Variants in CNTN6 observed in about 807,000 individuals in gnomAD.
CNTN6 encodes the protein contactin 6, also known as contactin-6.
A neutral mutation model predicts 122.8 loss-of-function variants in CNTN6; 137 were observed. That is an observed-to-expected ratio of 1.12 (90% CI 0.97 to 1.29). The LOEUF (loss-of-function observed/expected upper bound fraction) is 1.29. Among genes scored for constraint, CNTN6 ranks in the 50% most tolerant of loss-of-function variants. The probability of loss-of-function intolerance (pLI) is 0.00; values close to 1 mark genes in which losing one functional copy is unlikely to be tolerated. For missense variants in CNTN6, 1,634 were observed against 1,223.4 expected, an observed-to-expected ratio of 1.34 and a Z score of -5.01; for synonymous variants, 570 against 426.0, an observed-to-expected ratio of 1.34 and a Z score of -4.16.
chr3:1,226,031 A>G (rs1276249727), intron 3 of CNTN6, among the ~76,000 whole-genome samples: 1 of 152,164 alleles, frequency 6.6e-6, no homozygotes, highest in Non-Finnish European at 1.5e-5. Context: ...GAAGAAGTCA[A>G]TGACATTTGA....
At chr3:1,303,124 T>C (rs1697714052) in intron 7 of CNTN6, among the ~76,000 whole-genome samples, 2 of 152,172 alleles carry the variant, frequency 1.3e-5, no homozygotes, top group African/African-American at 4.8e-5. Context: ...AGTTTTCTTC[T>C]CTGTGCTTAC....
At chr3:1,236,772 T>C (rs899514360) in intron 4 of CNTN6, among the ~76,000 whole-genome samples, 2 of 152,158 alleles carry the variant, frequency 1.3e-5, no homozygotes, top group Non-Finnish European at 2.9e-5. Flanking sequence ...GAAGGTTAAT[T>C]ATTAAGCTAA....
At chr3:1,107,779 A>G (rs1023198926) in intron 1 of CNTN6, among the ~76,000 whole-genome samples, 2 of 152,054 alleles carry the variant, frequency 1.3e-5, no homozygotes, top group Admixed American at 6.6e-5. Context: ...ACCAATATCT[A>G]TAAGGGTTGT....
At chr3:1,385,890 C>A in intron 20 of CNTN6, 93 bp downstream of exon 20, 1 of 1,212,892 alleles carries the variant, frequency 8.2e-7, no homozygotes, top group East Asian at 2.6e-5. Context: ...CACCTCATTT[C>A]TTTACTAATT....
intron 7 of CNTN6, among the ~76,000 whole-genome samples, chr3:1,298,642 G>A (rs1696688948): frequency 6.6e-6 from 1 of 152,034 alleles, no homozygotes; most frequent in Admixed American, 6.6e-5. Context: ...TCATTTTTGT[G>A]CCTATAAACA....
At chr3:1,383,453 A>G in intron 19 of CNTN6, 45 bp downstream of exon 19, 1 of 1,401,050 alleles carries the variant, frequency 7.1e-7, no homozygotes, top group East Asian at 2.3e-5. Context: ...GTGCCAATGG[A>G]CTTCGCAATA....
At chr3:1,162,290 TTG>T (rs1338189024) in intron 2 of CNTN6, among the ~76,000 whole-genome samples, 2 of 32,592 alleles carry the variant, frequency 6.1e-5, no homozygotes, top group African/African-American at 3.2e-4. Flanking sequence ...AGAACCTTGT[TTG>T]TATTGTTTTG....
Position 1,297,949 on chromosome 3 carries a change from C to G in CNTN6, c.719C>G (p.Ala240Gly). The G allele has an allele frequency of 6.2e-7, 1 of 1,612,682 alleles. No individual in the cohort carries two copies. The highest frequency in any genetic ancestry group is 1.1e-5 in the South Asian group (1 of 90,382). Residue 240 changes from alanine (A) to glycine (G), a missense_variant, in exon 7 of 23, where the codon GCA (alanine) becomes GGA (glycine). Transcript: ENST00000446702. ...CGTTTTCCTGAAACTATACAAGCTG[C>G]AAAGGATTCATCTGTAAAACTGGAA... ...EVRFPETIQA[A>G]KDSSVKLECF...
At chr3:1,327,910 A>C (rs778879372) in intron 10 of CNTN6, among the ~76,000 whole-genome samples, 6 of 142,276 alleles carry the variant, frequency 4.2e-5, no homozygotes, top group Non-Finnish European at 9.7e-5. Flanking sequence ...AAAAAGTAAT[A>C]AAAAAATCAC....
At chr3:1,209,463 T>G (rs1485372492) in intron 2 of CNTN6, among the ~76,000 whole-genome samples, 1 of 152,182 alleles carries the variant, frequency 6.6e-6, no homozygotes. Flanking sequence ...GTCCAGTCCT[T>G]AGACACAGTC....
chr3:1,212,960 T>A (rs1260979452), intron 2 of CNTN6, among the ~76,000 whole-genome samples: 1 of 152,192 alleles, frequency 6.6e-6, no homozygotes, highest in Admixed American at 6.5e-5. Context: ...TGATATCAAC[T>A]GACTGATGAT....
intron 4 of CNTN6, among the ~76,000 whole-genome samples, chr3:1,252,610 A>G (rs906768306): frequency 2.6e-5 from 4 of 152,238 alleles, no homozygotes; most frequent in Admixed American, 2.0e-4. Context: ...AACAAAAATA[A>G]TAAAATACGG....
intron 2 of CNTN6, among the ~76,000 whole-genome samples, chr3:1,160,365 T>TATATATATATATATATATATATACATAC (rs1486849078): frequency 2.2e-5 from 3 of 133,460 alleles, no homozygotes; most frequent in African/African-American, 8.7e-5. Flanking sequence ...TATATATATA[T>TATATATATATATATATATATATACATAC]ATACACACTA....
chr3:1,349,080 ATATCT>A (rs1705215425), intron 11 of CNTN6, among the ~76,000 whole-genome samples: 1 of 151,990 alleles, frequency 6.6e-6, no homozygotes, highest in South Asian at 2.1e-4. Context: ...GAAGGAAAAA[ATATCT>A]TAACATTGCT....
chr3:1,349,922 TTGAA>T (rs1373081201), intron 11 of CNTN6, among the ~76,000 whole-genome samples: 5 of 151,882 alleles, frequency 3.3e-5, no homozygotes, highest in African/African-American at 1.2e-4. Flanking sequence ...GATTAAATCT[TTGAA>T]TGTCTATATC....
At chr3:1,363,813 T>C (rs772243508) in intron 12 of CNTN6, among the ~76,000 whole-genome samples, 6 of 151,934 alleles carry the variant, frequency 3.9e-5, no homozygotes, top group Non-Finnish European at 7.4e-5. Flanking sequence ...TATCTCTATT[T>C]TTAATTTTAG....
chr3:1,375,779 A>G (rs1352779915), intron 16 of CNTN6, among the ~76,000 whole-genome samples: 1 of 152,098 alleles, frequency 6.6e-6, no homozygotes, highest in Admixed American at 6.6e-5. Flanking sequence ...GACAAAGTTA[A>G]GGGTAAATTT....
chr3:1,133,601 C>A (rs1262400805), intron 1 of CNTN6, among the ~76,000 whole-genome samples: 1 of 152,136 alleles, frequency 6.6e-6, no homozygotes, highest in Non-Finnish European at 1.5e-5. Context: ...GCTGTGACTG[C>A]CCCCTCTTGA....
At chr3:1,171,232 T>G (rs115140824) in intron 2 of CNTN6, among the ~76,000 whole-genome samples, 1,968 of 152,274 alleles carry the variant, frequency 0.013, 20 homozygotes, top group Non-Finnish European at 0.019. Context: ...TCATTTATCA[T>G]AAGTGAATAA....
Sources: gnomAD v4.1 joint callset for allele counts (sites outside exome capture counted in the v4.1 genomes callset) on GRCh38, gnomAD v4.1.1 for gene constraint, MANE v1.5 for transcripts, NCBI Gene and HGNC (gene_info 2026-07-23, HGNC 2026-07-21) for gene names.